ARHGAP26: variants seen among roughly 807,000 people sequenced by gnomAD.
ARHGAP26 encodes the protein Rho GTPase activating protein 26, also known as rho GTPase-activating protein 26.
Under a neutral mutation model 104.8 loss-of-function variants are expected in ARHGAP26, and 38 were observed. That is an observed-to-expected ratio of 0.36 (90% CI 0.28 to 0.48). ARHGAP26 has a LOEUF of 0.48. Ranked by LOEUF, ARHGAP26 falls within the 20% of genes least tolerant of loss-of-function variation. The probability of loss-of-function intolerance (pLI) is 0.99; values close to 1 mark genes in which losing one functional copy is unlikely to be tolerated. For missense variants in ARHGAP26, 704 were observed against 947.9 expected, an observed-to-expected ratio of 0.74 and a Z score of 3.38; for synonymous variants, 341 against 340.0, an observed-to-expected ratio of 1.00 and a Z score of -0.03.
chr5:142,906,986 G>A (rs972633708), intron 8 of ARHGAP26, among the ~76,000 whole-genome samples: 1 of 152,018 alleles, frequency 6.6e-6, no homozygotes, highest in Non-Finnish European at 1.5e-5. Context: ...ATAGTGCTTT[G>A]TTTTCAAGTA....
chr5:142,854,168 A>G (rs1275783813), intron 1 of ARHGAP26, among the ~76,000 whole-genome samples: 3 of 152,236 alleles, frequency 2.0e-5, no homozygotes, highest in Non-Finnish European at 4.4e-5. Flanking sequence ...TACATTCATG[A>G]AGCCACCACC....
At position 143,157,541 on chromosome 5, in the gene ARHGAP26, C is replaced by T. The variant is rs997232377; in HGVS notation, c.1988+10160C>T. On this transcript the variant is annotated intron_variant, in intron 20 of 22. Coordinates refer to ENST00000645722, the MANE Select transcript of ARHGAP26 (RefSeq NM_001135608.3). ...TAATATGTCCATCTTGAAGGGGCATCTCTTACGCTACATTTCCTAAATACG... is the reference window on the plus strand; with the variant it reads ...TAATATGTCCATCTTGAAGGGGCATTTCTTACGCTACATTTCCTAAATACG... Among the ~76,000 whole-genome samples the T allele has an allele frequency of 3.9e-5, 6 of 152,182 alleles. No individual in the cohort carries two copies. In the East Asian group the frequency reaches 9.6e-4, roughly 24 times the overall value.
chr5:143,187,877 CAG>C (rs954899392), intron 20 of ARHGAP26, among the ~76,000 whole-genome samples: 2 of 152,188 alleles, frequency 1.3e-5, no homozygotes, highest in East Asian at 1.9e-4. Flanking sequence ...CTTGCCTCAG[CAG>C]AGAGAAACAT....
chr5:142,884,914 T>C (rs1226504604), intron 4 of ARHGAP26, among the ~76,000 whole-genome samples: 2 of 152,212 alleles, frequency 1.3e-5, no homozygotes, highest in African/African-American at 2.4e-5. Context: ...TCTTCCTTCC[T>C]TGGTGTTAGC....
intron 9 of ARHGAP26, among the ~76,000 whole-genome samples, 174 bp downstream of exon 9, chr5:142,907,978 C>T (rs901808653): frequency 2.0e-5 from 3 of 152,024 alleles, no homozygotes; most frequent in Non-Finnish European, 2.9e-5. Flanking sequence ...GCTGAAGAAT[C>T]GCTAAAATAA....
chr5:143,038,836 C>T (rs543642844), intron 13 of ARHGAP26, among the ~76,000 whole-genome samples: 5 of 151,778 alleles, frequency 3.3e-5, no homozygotes, highest in South Asian at 2.1e-4. Context: ...GCTGGGATTA[C>T]GGGCACACAC....
chr5:143,010,106 A>G (rs1460230980), intron 11 of ARHGAP26, among the ~76,000 whole-genome samples: 1 of 152,204 alleles, frequency 6.6e-6, no homozygotes, highest in Non-Finnish European at 1.5e-5. Flanking sequence ...TCTGTAGAAG[A>G]AGGATAGCCC....
chr5:143,017,046 T>C (rs1439733288), intron 12 of ARHGAP26, among the ~76,000 whole-genome samples: 2 of 152,236 alleles, frequency 1.3e-5, no homozygotes, highest in African/African-American at 4.8e-5. Flanking sequence ...TTTAAAGATA[T>C]GAAGCCAATC....
intron 11 of ARHGAP26, among the ~76,000 whole-genome samples, chr5:142,979,723 G>A (rs373871825): frequency 3.3e-5 from 5 of 152,258 alleles, no homozygotes; most frequent in African/African-American, 1.2e-4. Flanking sequence ...GAGTATTTGT[G>A]TGAGAATTAA....
intron 12 of ARHGAP26, among the ~76,000 whole-genome samples, chr5:143,029,392 GTTTTT>G (rs536919888): frequency 0.012 from 980 of 80,582 alleles, 4 homozygotes; most frequent in Middle Eastern, 0.038. Context: ...TTACTTCTCA[GTTTTT>G]TTTTTTTTTT....
intron 20 of ARHGAP26, among the ~76,000 whole-genome samples, chr5:143,154,803 A>G (rs554612957): frequency 6.6e-6 from 1 of 152,354 alleles, no homozygotes; most frequent in Non-Finnish European, 1.5e-5. Flanking sequence ...TTGAGACCAA[A>G]TGAATGGCAA....
chr5:143,180,465 T>C (rs535233278), intron 20 of ARHGAP26, among the ~76,000 whole-genome samples: 98 of 152,292 alleles, frequency 6.4e-4, no homozygotes, highest in African/African-American at 2.3e-3. Context: ...GTAGTTCCAT[T>C]TATCAGCAAC....
intron 19 of ARHGAP26, among the ~76,000 whole-genome samples, chr5:143,146,294 G>A (rs1340755325): frequency 6.6e-6 from 1 of 152,164 alleles, no homozygotes; most frequent in Non-Finnish European, 1.5e-5. Flanking sequence ...AAGATGGGAA[G>A]AACATAAAGT....
chr5:142,919,471 G>A, intron 10 of ARHGAP26: 1 of 398,228 alleles, frequency 2.5e-6, no homozygotes, highest in Non-Finnish European at 4.4e-6. Flanking sequence ...CTTTGTTACG[G>A]CAGCCCCAGG....
At chr5:142,991,528 C>G (rs1309590459) in intron 11 of ARHGAP26, among the ~76,000 whole-genome samples, 1 of 152,198 alleles carries the variant, frequency 6.6e-6, no homozygotes, top group Non-Finnish European at 1.5e-5. Context: ...AATCACCTGT[C>G]TTCTGCGTCA....
At chr5:143,002,570 T>C (rs1777345613) in intron 11 of ARHGAP26, among the ~76,000 whole-genome samples, 2 of 152,188 alleles carry the variant, frequency 1.3e-5, no homozygotes, top group Admixed American at 1.3e-4. Context: ...GCTAGAGCCG[T>C]AAGACTCCTC....
rs200079730 is a variant in ARHGAP26, at chr5:142,932,026, A to G, written c.1029-21A>G. On this transcript the variant is annotated intron_variant, in intron 10 of 22. Transcript: ENST00000645722. ...TACATGTGGCACTGGTTTCATATCC[A>G]TGTCCCTCCTTTCTCTGCAGGCCAG... 29 of 1,612,250 alleles carry G rather than the reference A, an allele frequency of 1.8e-5. No individual in the cohort carries two copies. The African/African-American group carries it at 2.9e-4, about 16-fold the overall frequency.
intron 20 of ARHGAP26, among the ~76,000 whole-genome samples, chr5:143,196,388 A>G (rs1352120825): frequency 1.3e-5 from 2 of 152,188 alleles, no homozygotes; most frequent in Non-Finnish European, 2.9e-5. Context: ...GCAAACACGG[A>G]ATTACTGAAT....
chr5:142,879,694 T>G (rs1756673929), intron 4 of ARHGAP26, among the ~76,000 whole-genome samples: 1 of 152,264 alleles, frequency 6.6e-6, no homozygotes, highest in African/African-American at 2.4e-5. Flanking sequence ...TGTTCTGTGC[T>G]TGTTCATAAA....
Sources: allele counts gnomAD v4.1 joint callset (sites outside exome capture counted in the v4.1 genomes callset), GRCh38; gene constraint gnomAD v4.1.1; transcripts MANE v1.5; gene names NCBI Gene and HGNC (gene_info 2026-07-23, HGNC 2026-07-21).